Variants in UQCC1 observed in about 807,000 individuals in gnomAD.
UQCC1 encodes the protein ubiquinol-cytochrome c reductase complex assembly factor 1.
A neutral mutation model predicts 48.0 loss-of-function variants in UQCC1; 38 were observed. That is an observed-to-expected ratio of 0.79 (90% CI 0.61 to 1.04). The LOEUF (loss-of-function observed/expected upper bound fraction) is 1.04, where lower values mean the gene tolerates loss of function less well. UQCC1 is among the 50% of genes least tolerant of loss of function. UQCC1 has a pLI of 0.00. For synonymous variants in UQCC1, 111 were observed against 129.2 expected (o/e 0.86, Z 0.95); for missense variants, 368 against 381.8 (o/e 0.96, Z 0.30).
At chr20:35,370,239 T>C (rs955886557) in intron 5 of UQCC1, among the ~76,000 whole-genome samples, 2 of 151,682 alleles carry the variant, frequency 1.3e-5, no homozygotes, top group African/African-American at 2.4e-5. Context: ...TGTTTCTTTT[T>C]TTTTTTTTTT....
chr20:35,392,592 G>A (rs900592389), intron 2 of UQCC1, among the ~76,000 whole-genome samples: 1 of 152,126 alleles, frequency 6.6e-6, no homozygotes, highest in Non-Finnish European at 1.5e-5. Context: ...ACAGAACACA[G>A]CCCAAGCTCT....
chr20:35,365,757 G>A (rs755219800), intron 6 of UQCC1, among the ~76,000 whole-genome samples: 2 of 151,930 alleles, frequency 1.3e-5, no homozygotes, highest in Non-Finnish European at 2.9e-5. Flanking sequence ...TTTCAGAGGT[G>A]ATCAAAACCA....
At chr20:35,407,291 G>A (rs2062266321) in intron 1 of UQCC1, among the ~76,000 whole-genome samples, 1 of 151,970 alleles carries the variant, frequency 6.6e-6, no homozygotes, top group Non-Finnish European at 1.5e-5. Flanking sequence ...AGCCAGGTGT[G>A]CTGGTGCATG....
In UQCC1 at chr20:35,306,715, CA is replaced by C; in HGVS notation, c.715del (p.Cys239ValfsTer11). On this transcript the variant is annotated frameshift_variant, in exon 9 of 10. Coordinates refer to ENST00000374385, the MANE Select transcript of UQCC1 (RefSeq NM_018244.5). LOFTEE classifies it high-confidence loss of function. ...ALWRTFFNRK[C>X]EDPRHLELLV... is the part of the protein sequence containing the mutation. ...CAATTCAAGATGTCGAGGGTCTTCA[CA>C]TTTCCGGTTGAAGAAGGTTCTCCAG... is the stretch of plus-strand genomic sequence containing the variant. The C allele has an allele frequency of 6.2e-7, 1 of 1,614,020 alleles. No homozygotes were observed. The highest frequency in any genetic ancestry group is 8.5e-7 in the Non-Finnish European group (1 of 1,180,012).
chr20:35,358,025 A>G (rs1457914578), intron 6 of UQCC1, among the ~76,000 whole-genome samples: 1 of 152,170 alleles, frequency 6.6e-6, no homozygotes, highest in Non-Finnish European at 1.5e-5. Context: ...GGGATAACAC[A>G]CTTCCATGCT....
chr20:35,399,925 C>CTTTT (rs1227064253), intron 1 of UQCC1, among the ~76,000 whole-genome samples: 2 of 119,602 alleles, frequency 1.7e-5, no homozygotes, highest in African/African-American at 3.3e-5. Context: ...CTACTCAGTC[C>CTTTT]TTTTTTTTTT....
intron 2 of UQCC1, among the ~76,000 whole-genome samples, chr20:35,385,750 CTGCCTTGAACTCCCAAAA>C (rs1175524933): frequency 1.3e-5 from 2 of 152,094 alleles, no homozygotes; most frequent in Non-Finnish European, 2.9e-5. Context: ...AGTGATCTTC[CTGCCTTGAACTCCCAAAA>C]TGCCTTGAAC....
In UQCC1 at chr20:35,347,219, C is replaced by T. The variant is rs748758343; in HGVS notation, c.518G>A (p.Arg173His). Residue 173 changes from arginine to histidine, a missense_variant, in exon 7 of 10, where the codon CGT becomes CAT. Coordinates refer to ENST00000374385, the MANE Select transcript of UQCC1 (RefSeq NM_018244.5). ...QEGRSGKYMC[R>H]IIVHFMWEDV... ...CTCCCACATAAAATGAACTATGATACGACACATGTACTTCCCACTCCGGCC... is the reference window on the plus strand; with the variant it reads ...CTCCCACATAAAATGAACTATGATATGACACATGTACTTCCCACTCCGGCC... 1.1e-5 allele frequency: 17 copies of T among 1,613,994 alleles called. No homozygotes were observed. Among genetic ancestry groups the T allele is most frequent in the East Asian group, 2.2e-5 (1 of 44,888 alleles).
At chr20:35,383,565 C>A (rs1243827126) in intron 3 of UQCC1, among the ~76,000 whole-genome samples, 2 of 152,050 alleles carry the variant, frequency 1.3e-5, no homozygotes, top group African/African-American at 2.4e-5. Context: ...CAGAGCAAGA[C>A]CTCATCTGTT....
chr20:35,387,798 CT>C (rs11471118), intron 2 of UQCC1, among the ~76,000 whole-genome samples: 655 of 146,514 alleles, frequency 4.5e-3, no homozygotes, highest in African/African-American at 7.4e-3. Context: ...TTTAGGACAA[CT>C]TTTTTTTTTT....
At chr20:35,376,023 G>A (rs1437056325) in intron 4 of UQCC1, among the ~76,000 whole-genome samples, 1 of 151,250 alleles carries the variant, frequency 6.6e-6, no homozygotes, top group African/African-American at 2.4e-5. Flanking sequence ...ATTAGGTTGG[G>A]TTGTGGTGGC....
intron 6 of UQCC1, among the ~76,000 whole-genome samples, chr20:35,358,612 T>C (rs952300517): frequency 6.6e-6 from 1 of 152,090 alleles, no homozygotes; most frequent in African/African-American, 2.4e-5. Context: ...CAGGCTGGAG[T>C]GCAGTGGCAT....
At chr20:35,404,322 A>T (rs1311515470) in intron 1 of UQCC1, among the ~76,000 whole-genome samples, 2 of 150,330 alleles carry the variant, frequency 1.3e-5, no homozygotes, top group African/African-American at 2.4e-5. Flanking sequence ...GTGAGCCGAG[A>T]TTGCACCACT....
At position 35,316,084 on chromosome 20, in the gene UQCC1, G is replaced by A. The variant is rs553512153; in HGVS notation, c.574-1319C>T. ...TAACACGCTGTAAGGCAGGGTCCACGTTTTATTCCTCTTCAGGATCCCAGC... is the reference window on the plus strand; with the variant it reads ...TAACACGCTGTAAGGCAGGGTCCACATTTTATTCCTCTTCAGGATCCCAGC... On this transcript the variant is annotated intron_variant, in intron 7 of 9. Transcript: ENST00000374385. 1.1e-3 allele frequency among the ~76,000 whole-genome samples: 168 copies of A among 152,258 alleles called. 1 individual carries two copies. Among genetic ancestry groups the A allele is most frequent in the African/African-American group, 3.9e-3 (163 of 41,560 alleles).
At chr20:35,304,209 ACCAAGCCGTCCCAGG>A (rs1307279233) in intron 9 of UQCC1, 140 bp from the exon 10 acceptor site, 4 of 1,131,168 alleles carry the variant, frequency 3.5e-6, no homozygotes, top group Non-Finnish European at 5.0e-6. Context: ...CAGGTCCCAG[ACCAAGCCGTCCCAGG>A]CCAAGCCGTC....
rs912297987 is a variant in UQCC1, at chr20:35,311,901, C to A, written c.651+2787G>T. 5.3e-5 allele frequency among the ~76,000 whole-genome samples: 8 copies of A among 152,248 alleles called. No homozygotes were observed. In the South Asian group the frequency reaches 1.7e-3, roughly 32 times the overall value. On this transcript the variant is annotated intron_variant, in intron 8 of 9. Coordinates refer to ENST00000374385, the MANE Select transcript of UQCC1 (RefSeq NM_018244.5). ...ACTTGTTGAACCACCAGGCAGCACTCCTACTGAATTGTAATCTTCAGAGAG... is the reference window on the plus strand; with the variant it reads ...ACTTGTTGAACCACCAGGCAGCACTACTACTGAATTGTAATCTTCAGAGAG...
intron 7 of UQCC1, chr20:35,315,051 A>C (rs181208444): frequency 8.6e-6 from 2 of 231,660 alleles, no homozygotes; most frequent in East Asian, 7.8e-5. Flanking sequence ...TATAAGAAAC[A>C]GTTTCTTGAT....
At chr20:35,410,724 A>AAAAAAAAAAC (rs57687238) in intron 1 of UQCC1, among the ~76,000 whole-genome samples, 1 of 115,958 alleles carries the variant, frequency 8.6e-6, no homozygotes, top group Non-Finnish European at 1.7e-5. Context: ...AAAAAAAAAA[A>AAAAAAAAAAC]CAAAACCCTA....
intron 7 of UQCC1, among the ~76,000 whole-genome samples, chr20:35,326,261 G>C (rs1179961053): frequency 6.6e-6 from 1 of 152,160 alleles, no homozygotes; most frequent in East Asian, 1.9e-4. Flanking sequence ...AGGAGGAAAG[G>C]GGAGGCCATG....
Sources: gnomAD v4.1 joint callset for allele counts (sites outside exome capture counted in the v4.1 genomes callset) on GRCh38, gnomAD v4.1.1 for gene constraint, MANE v1.5 for transcripts, NCBI Gene and HGNC (gene_info 2026-07-23, HGNC 2026-07-21) for gene names.